Variants in NWD2 observed in about 807,000 individuals in gnomAD.
The protein encoded by NWD2 is NACHT and WD repeat domain-containing protein 2.
A neutral mutation model predicts 132.7 loss-of-function variants in NWD2; 37 were observed. The observed-to-expected ratio is 0.28, with a 90% CI of 0.21 to 0.37. The LOEUF (loss-of-function observed/expected upper bound fraction) is 0.37, where lower values mean the gene tolerates loss of function less well. Among genes scored for constraint, NWD2 ranks in the 10% least tolerant of loss-of-function variants. The probability of loss-of-function intolerance (pLI) is 1.00; values close to 1 mark genes in which losing one functional copy is unlikely to be tolerated. For missense variants in NWD2, 1,592 were observed against 2,122.4 expected, an observed-to-expected ratio of 0.75 and a Z score of 4.91; for synonymous variants, 705 against 803.0, an observed-to-expected ratio of 0.88 and a Z score of 2.06.
intron 1 of NWD2, among the ~76,000 whole-genome samples, chr4:37,276,012 G>A (rs1024639670): frequency 2.6e-5 from 4 of 152,010 alleles, no homozygotes; most frequent in Admixed American, 2.6e-4. Context: ...GAAAACATAG[G>A]CAATACCATT....
intron 3 of NWD2, among the ~76,000 whole-genome samples, chr4:37,362,805 A>T (rs991718857): frequency 9.9e-5 from 15 of 152,222 alleles, no homozygotes; most frequent in African/African-American, 3.4e-4. Flanking sequence ...ACAAAAATTG[A>T]CAAGTGGTAC....
rs576953155 is a variant in NWD2, at chr4:37,346,770, T to C, written c.241-9596T>C. ...TTCCTAAGTTTTCTTAGTGATCTTA[T>C]GAATGAAAGTGTTTCTTTCTGGTGC... On this transcript the variant is annotated intron_variant, in intron 2 of 6. Coordinates refer to ENST00000309447, the MANE Select transcript of NWD2 (RefSeq NM_001144990.2). 2.6e-4 allele frequency among the ~76,000 whole-genome samples: 40 copies of C among 152,292 alleles called. No homozygotes were observed. The South Asian group carries it at 8.1e-3, about 31-fold the overall frequency.
intron 1 of NWD2, among the ~76,000 whole-genome samples, chr4:37,322,558 A>G (rs1284165180): frequency 6.6e-6 from 1 of 152,200 alleles, no homozygotes; most frequent in African/African-American, 2.4e-5. Flanking sequence ...GAGAACACTC[A>G]TCGTAAGGAG....
Position 37,443,165 on chromosome 4 carries a change from C to G in NWD2, c.1297-120C>G. On this transcript the variant is annotated intron_variant, in intron 6 of 6. Transcript: ENST00000309447. This position sits in a 1 kb window ranked among gnomAD's most constrained non-coding sequence, Gnocchi z 4.1. ...CAGAGGGTTTTTCCAATTTTTGGTC[C>G]TAAGCTATTTCCTGCACAGCAGAGG... 1.1e-6 allele frequency: 1 copy of G among 888,874 alleles called. No individual in the cohort carries two copies. The allele number at this position is 888,874 out of a possible 1,614,324, so 55.1% of individuals were successfully genotyped here.
chr4:37,369,154 C>T (rs893434455), intron 3 of NWD2, among the ~76,000 whole-genome samples: 2 of 152,080 alleles, frequency 1.3e-5, no homozygotes, highest in Non-Finnish European at 2.9e-5. Flanking sequence ...CACACTGAAA[C>T]ACATGTTATG....
intron 1 of NWD2, among the ~76,000 whole-genome samples, chr4:37,307,358 A>G (rs1466165198): frequency 2.6e-5 from 4 of 151,844 alleles, no homozygotes; most frequent in Admixed American, 6.6e-5. Context: ...TGGGAGAGAC[A>G]TTGTTTCTCC....
At chr4:37,245,570 G>A (rs1257050864) in intron 1 of NWD2, among the ~76,000 whole-genome samples, 1 of 149,338 alleles carries the variant, frequency 6.7e-6, no homozygotes, top group Non-Finnish European at 1.5e-5. Flanking sequence ...TTTTAAAGCG[G>A]TTTCTTCTCC....
At chr4:37,295,784 TC>T (rs1334985529) in intron 1 of NWD2, among the ~76,000 whole-genome samples, 2 of 152,160 alleles carry the variant, frequency 1.3e-5, no homozygotes, top group Non-Finnish European at 2.9e-5. Context: ...TCAGGACAAG[TC>T]CCTTATCCAA....
intron 3 of NWD2, among the ~76,000 whole-genome samples, chr4:37,367,727 T>C (rs1175711681): frequency 2.0e-5 from 3 of 152,132 alleles, no homozygotes; most frequent in Non-Finnish European, 4.4e-5. Flanking sequence ...ATACAGTAGA[T>C]ATTGTGTTGA....
chr4:37,323,833 A>G (rs1329237928), intron 1 of NWD2, among the ~76,000 whole-genome samples: 4 of 148,474 alleles, frequency 2.7e-5, no homozygotes. Flanking sequence ...TGTGGCACAT[A>G]TACACCATGG....
Position 37,444,232 on chromosome 4 carries a change from T to C in NWD2, c.2244T>C (p.Asp748=). ...TAGCCCAGAAGCTATATCTGCAGGA[T>C]GACAATGACCTGCGTGAAATGCACA... is the stretch of plus-strand genomic sequence containing the variant. ...QLIAQKLYLQ[D]DNDLREMHTI... is the part of the protein sequence containing the mutation. The change falls in exon 7 of 7, where the codon GAT becomes GAC. Residue 748 remains aspartate, a synonymous_variant. Transcript: ENST00000309447. This position sits in a 1 kb window ranked among gnomAD's most constrained non-coding sequence, Gnocchi z 4.8. 6.4e-7 allele frequency: 1 copy of C among 1,551,692 alleles called. No homozygotes were observed. The highest frequency in any genetic ancestry group is 8.7e-7 in the Non-Finnish European group (1 of 1,146,986).
intron 3 of NWD2, among the ~76,000 whole-genome samples, chr4:37,370,713 C>A (rs186575795): frequency 1.3e-4 from 20 of 152,266 alleles, no homozygotes; most frequent in African/African-American, 2.6e-4. Flanking sequence ...AGATGAGATA[C>A]GCTTTTAAAG....
At chr4:37,245,388 C>T (rs1717217214) in intron 1 of NWD2, among the ~76,000 whole-genome samples, 170 bp downstream of exon 1, 1 of 152,062 alleles carries the variant, frequency 6.6e-6, no homozygotes, top group Non-Finnish European at 1.5e-5. Flanking sequence ...CTTTTTTTCT[C>T]CCCTCGCTGG....
At chr4:37,381,710 C>A (rs1720457906) in intron 3 of NWD2, among the ~76,000 whole-genome samples, 1 of 152,206 alleles carries the variant, frequency 6.6e-6, no homozygotes, top group South Asian at 2.1e-4. Flanking sequence ...ACATTTCCAA[C>A]TTCAGAGGTT....
At chr4:37,324,054 G>T (rs1409401123) in intron 1 of NWD2, among the ~76,000 whole-genome samples, 1 of 152,120 alleles carries the variant, frequency 6.6e-6, no homozygotes, top group Admixed American at 6.6e-5. Context: ...GAGAGGAAGG[G>T]AGAGGGATGT....
chr4:37,327,339 T>G (rs569468309), intron 2 of NWD2, among the ~76,000 whole-genome samples: 22 of 152,260 alleles, frequency 1.4e-4, no homozygotes, highest in African/African-American at 5.3e-4. Context: ...AAAAGTATAC[T>G]TTCTGAACTA....
chr4:37,316,763 C>T (rs762271278), intron 1 of NWD2, among the ~76,000 whole-genome samples: 6 of 152,106 alleles, frequency 3.9e-5, no homozygotes, highest in Admixed American at 2.6e-4. Context: ...AGACAATTTC[C>T]GTTGACATTT....
At chr4:37,262,341 T>G (rs1005701847) in intron 1 of NWD2, among the ~76,000 whole-genome samples, 38 of 152,212 alleles carry the variant, frequency 2.5e-4, no homozygotes, top group African/African-American at 8.7e-4. Flanking sequence ...CTGTGTCAAT[T>G]TACATTCCCA....
At chr4:37,414,361 C>G (rs1347014840) in intron 3 of NWD2, among the ~76,000 whole-genome samples, 1 of 151,558 alleles carries the variant, frequency 6.6e-6, no homozygotes, top group Non-Finnish European at 1.5e-5. Flanking sequence ...ACAATAAGCT[C>G]TTTTTAAAAA....
Sources: allele counts gnomAD v4.1 joint callset (sites outside exome capture counted in the v4.1 genomes callset), GRCh38; gene constraint gnomAD v4.1.1; non-coding constraint Gnocchi (gnomAD v3.1); transcripts MANE v1.5; gene names NCBI Gene and HGNC (gene_info 2026-07-23, HGNC 2026-07-21).